SMYD3: variants seen among roughly 807,000 people sequenced by gnomAD.
SMYD3 encodes the protein SET and MYND domain containing 3.
In SMYD3, 36 loss-of-function variants were observed where a neutral mutation model predicts 57.7. The observed-to-expected ratio is 0.62, with a 90% CI of 0.48 to 0.82. The LOEUF (loss-of-function observed/expected upper bound fraction) is 0.82. SMYD3 is among the 40% of genes least tolerant of loss of function. The pLI is 0.00. For missense variants in SMYD3, 515 were observed against 538.8 expected (o/e 0.96, Z 0.44); for synonymous variants, 211 against 195.0 (o/e 1.08, Z -0.68).
intron 1 of SMYD3, among the ~76,000 whole-genome samples, chr1:246,467,309 C>T (rs551021801): frequency 3.6e-4 from 55 of 152,270 alleles, no homozygotes; most frequent in African/African-American, 1.1e-3. Context: ...AGGATGCTAC[C>T]TGTTTTGCTT....
intron 10 of SMYD3, among the ~76,000 whole-genome samples, chr1:245,817,622 C>A (rs888095529): frequency 6.6e-6 from 1 of 151,758 alleles, no homozygotes; most frequent in Non-Finnish European, 1.5e-5. Flanking sequence ...ACATTCAAAC[C>A]AAAGGCAAAG....
At chr1:246,386,770 G>C (rs1400523788) in intron 1 of SMYD3, among the ~76,000 whole-genome samples, 1 of 152,028 alleles carries the variant, frequency 6.6e-6, no homozygotes, top group Non-Finnish European at 1.5e-5. Context: ...TGAGAGAAAG[G>C]GTGGGAGAAA....
chr1:245,791,006 G>T (rs1426906806), intron 10 of SMYD3, among the ~76,000 whole-genome samples: 1 of 152,134 alleles, frequency 6.6e-6, no homozygotes, highest in Non-Finnish European at 1.5e-5. Context: ...TGTGAATTTG[G>T]TCTCTGTCCT....
chr1:246,023,807 CTGTGTG>C (rs201726897), intron 5 of SMYD3, among the ~76,000 whole-genome samples: 75 of 139,610 alleles, frequency 5.4e-4, no homozygotes, highest in East Asian at 1.7e-3. Flanking sequence ...TATTACAAAA[CTGTGTG>C]TGTGTGTGTG....
At chr1:245,913,211 A>T (rs1302467737) in intron 8 of SMYD3, among the ~76,000 whole-genome samples, 1 of 146,636 alleles carries the variant, frequency 6.8e-6, no homozygotes, top group South Asian at 2.2e-4. Context: ...TGTCCTTTGT[A>T]GGGACATGGA....
chr1:246,201,150 C>A (rs532511835), intron 5 of SMYD3, among the ~76,000 whole-genome samples: 3 of 152,196 alleles, frequency 2.0e-5, no homozygotes, highest in African/African-American at 7.2e-5. Flanking sequence ...ACAATTCTTA[C>A]AGACAAATTA....
intron 5 of SMYD3, among the ~76,000 whole-genome samples, chr1:245,969,704 A>C (rs2058247523): frequency 6.6e-6 from 1 of 152,258 alleles, no homozygotes; most frequent in African/African-American, 2.4e-5. Flanking sequence ...AAATACCAAC[A>C]GCATTCCTTC....
At chr1:246,070,184 A>T (rs2060418598) in intron 5 of SMYD3, among the ~76,000 whole-genome samples, 2 of 152,158 alleles carry the variant, frequency 1.3e-5, no homozygotes, top group Non-Finnish European at 1.5e-5. Flanking sequence ...ACCTACGGCA[A>T]CAGCAGTCTC....
chr1:245,902,816 A>C (rs1428632131), intron 8 of SMYD3, among the ~76,000 whole-genome samples: 1 of 152,220 alleles, frequency 6.6e-6, no homozygotes, highest in Non-Finnish European at 1.5e-5. Flanking sequence ...AAAGAACTCT[A>C]CCCAACAAAT....
chr1:245,806,932 A>G (rs1419001395), intron 10 of SMYD3, among the ~76,000 whole-genome samples: 1 of 150,836 alleles, frequency 6.6e-6, no homozygotes, highest in East Asian at 1.9e-4. Context: ...AAAAAAAAAA[A>G]AAAAAAAAAA....
intron 11 of SMYD3, among the ~76,000 whole-genome samples, 158 bp from the exon 12 acceptor site, chr1:245,749,822 G>A (rs2045262189): frequency 6.6e-6 from 1 of 152,182 alleles, no homozygotes; most frequent in Non-Finnish European, 1.5e-5. Context: ...CTCCCAGCTG[G>A]AAAGTCACAT....
At chr1:245,935,679 C>A (rs918204872) in intron 5 of SMYD3, among the ~76,000 whole-genome samples, 2 of 152,092 alleles carry the variant, frequency 1.3e-5, no homozygotes, top group East Asian at 1.9e-4. Context: ...AGTATAGATA[C>A]ACAAATGGAG....
At chr1:246,176,362 C>A (rs2062434200) in intron 5 of SMYD3, among the ~76,000 whole-genome samples, 1 of 152,032 alleles carries the variant, frequency 6.6e-6, no homozygotes, top group Admixed American at 6.5e-5. Context: ...GAGCCCTTGG[C>A]AGAAAGAGAT....
chr1:246,422,286 T>G (rs1248536607), intron 1 of SMYD3, among the ~76,000 whole-genome samples: 4 of 152,192 alleles, frequency 2.6e-5, no homozygotes, highest in Admixed American at 6.5e-5. Flanking sequence ...TTAGAATAAA[T>G]AGATAAATAT....
chr1:246,085,634 T>C (rs1034519359), intron 5 of SMYD3, among the ~76,000 whole-genome samples: 3 of 152,190 alleles, frequency 2.0e-5, no homozygotes, highest in African/African-American at 7.2e-5. Flanking sequence ...CGCTTTGTCC[T>C]ATCACATTTC....
intron 5 of SMYD3, among the ~76,000 whole-genome samples, chr1:246,297,423 A>G (rs183142716): frequency 2.0e-5 from 3 of 152,294 alleles, no homozygotes; most frequent in East Asian, 3.9e-4. Context: ...TAGTAGAGGC[A>G]GCAGCTAGCC....
chr1:246,460,795 T>C (rs1354175570), intron 1 of SMYD3, among the ~76,000 whole-genome samples: 2 of 152,246 alleles, frequency 1.3e-5, no homozygotes, highest in East Asian at 3.8e-4. Flanking sequence ...TAGTTTTAAT[T>C]AGCTAAACAA....
At chr1:245,904,045 A>T (rs116761547) in intron 8 of SMYD3, among the ~76,000 whole-genome samples, 2,828 of 152,148 alleles carry the variant, frequency 0.019, 101 homozygotes, top group African/African-American at 0.065. Context: ...CTTTTCTACC[A>T]CATCGTCAGG....
chr1:245,843,540 ATGTGTGTGTGTGTG>A (rs10531765), intron 10 of SMYD3, among the ~76,000 whole-genome samples: 15,736 of 149,600 alleles, frequency 0.11, 1,226 homozygotes, highest in East Asian at 0.38. Flanking sequence ...GTATATATAT[ATGTGTGTGTGTGTG>A]TGTGTGTGTG....
Sources: gnomAD v4.1 joint callset for allele counts (sites outside exome capture counted in the v4.1 genomes callset) on GRCh38, gnomAD v4.1.1 for gene constraint, MANE v1.5 for transcripts, NCBI Gene and HGNC (gene_info 2026-07-23, HGNC 2026-07-21) for gene names.